The following MYO18B variants were observed in gnomAD, a reference collection of about 807,000 sequenced individuals.
MYO18B encodes myosin XVIIIB, also known as unconventional myosin-XVIIIb.
In MYO18B, 204 loss-of-function variants were observed where a neutral mutation model predicts 273.0. That is an observed-to-expected ratio of 0.75 (90% CI 0.67 to 0.84). The LOEUF (loss-of-function observed/expected upper bound fraction) is 0.84. MYO18B is among the 40% of genes least tolerant of loss of function. MYO18B has a pLI of 0.00. For missense variants in MYO18B, 3,212 were observed against 3,287.6 expected (o/e 0.98, Z 0.56); for synonymous variants, 1,330 against 1,305.7 (o/e 1.02, Z -0.40).
chr22:25,878,181 A>T (rs1450953555), intron 25 of MYO18B, 133 bp downstream of exon 25: 2 of 671,734 alleles, frequency 3.0e-6, no homozygotes, highest in Admixed American at 6.4e-5. Context: ...CCTGTGAGGC[A>T]CATGCTGTTA....
chr22:25,830,891 G>A (rs946998032), intron 15 of MYO18B, among the ~76,000 whole-genome samples: 6 of 152,160 alleles, frequency 3.9e-5, no homozygotes, highest in South Asian at 4.1e-4. Flanking sequence ...CAAAGGGGCC[G>A]TTTTGAACAT....
Position 25,786,979 on chromosome 22 carries a change from C to T in MYO18B, c.2376+1488C>T, listed in dbSNP as rs1192063618. Among the ~76,000 whole-genome samples the T allele has an allele frequency of 5.3e-5, 8 of 152,086 alleles. 1 individual carries two copies. The East Asian group carries it at 1.3e-3, about 26-fold the overall frequency. Reference sequence around the variant, plus strand: ...CTGTAATCCCAGCACTTTGGGAGGCCGAGGTGGGCAGATCACCTGAGGTGA... The same window carrying T: ...CTGTAATCCCAGCACTTTGGGAGGCTGAGGTGGGCAGATCACCTGAGGTGA... On this transcript the variant is annotated intron_variant, in intron 11 of 43. Transcript: ENST00000335473.
chr22:26,043,848 A>G, the MYO18B span, among the ~76,000 whole-genome samples: 2 of 151,784 alleles, frequency 1.3e-5, no homozygotes, highest in Non-Finnish European at 2.9e-5. Context: ...GGGTCTTACT[A>G]TGTTGCTCAG....
At chr22:25,856,139 T>G (rs1276021401) in intron 21 of MYO18B, among the ~76,000 whole-genome samples, 1 of 152,214 alleles carries the variant, frequency 6.6e-6, no homozygotes, top group African/African-American at 2.4e-5. Flanking sequence ...AGCTGTACCA[T>G]TTTGCATTTC....
rs77644145 is a variant in MYO18B at position 25,828,726 on chromosome 22, C to G, written c.2787-50C>G. The G allele has an allele frequency of 8.9e-4, 1,396 of 1,561,156 alleles. 21 individuals carry two copies. The African/African-American group carries it at 0.016, about 18-fold the overall frequency. ...TGCTGGAGGCTTGGATCAGTGTGCTCCTAGATTCCATGCCATCTCAGACAT... is the reference window on the plus strand; with the variant it reads ...TGCTGGAGGCTTGGATCAGTGTGCTGCTAGATTCCATGCCATCTCAGACAT... On this transcript the variant is annotated intron_variant, in intron 14 of 43. Coordinates refer to ENST00000335473, the MANE Select transcript of MYO18B (RefSeq NM_032608.7).
chr22:25,895,034 A>G lies in MYO18B; in HGVS notation c.4544-122A>G, dbSNP rs2091763148. On this transcript the variant is annotated intron_variant, in intron 27 of 43. Coordinates refer to ENST00000335473, the MANE Select transcript of MYO18B (RefSeq NM_032608.7). Reference sequence around the variant, plus strand: ...TTTCTTGGTCCAAGGTTGAGGCTCAAGGGCTCTGTGAATATTGTGAAATTG... The same window carrying G: ...TTTCTTGGTCCAAGGTTGAGGCTCAGGGGCTCTGTGAATATTGTGAAATTG... 1.6e-5 allele frequency: 19 copies of G among 1,208,016 alleles called. No homozygotes were observed. The East Asian group carries it at 4.4e-4, about 28-fold the overall frequency. 74.8% of individuals were successfully genotyped at this position (1,208,016 alleles called of 1,614,324 possible).
chr22:25,781,013 TG>T (rs777019355), intron 9 of MYO18B, among the ~76,000 whole-genome samples: 5 of 152,208 alleles, frequency 3.3e-5, no homozygotes, highest in Non-Finnish European at 7.3e-5. Context: ...AACATGGAGC[TG>T]GTATAATATC....
chr22:26,014,167 C>T (rs1260955948), intron 42 of MYO18B, among the ~76,000 whole-genome samples: 2 of 152,052 alleles, frequency 1.3e-5, no homozygotes, highest in African/African-American at 4.8e-5. Context: ...TGAATTGATA[C>T]TTATTTGTGA....
rs151090831 is a variant in MYO18B at position 25,952,194 on chromosome 22, C to T, written c.5833-92C>T. ...GTAGAGAAGGAGGTGGTGTGAATAG[C>T]TCCTCCCACCCTCCCAGGCTGGGTC... On this transcript the variant is annotated intron_variant, in intron 37 of 43. Coordinates refer to ENST00000335473, the MANE Select transcript of MYO18B (RefSeq NM_032608.7). The T allele has an allele frequency of 1.8e-3, 2,604 of 1,431,070 alleles. 4 individuals carry two copies. The highest frequency in any genetic ancestry group is 2.2e-3 in the Non-Finnish European group (2,264 of 1,049,462). The allele number at this position is 1,431,070 out of a possible 1,614,324, so 88.6% of individuals were successfully genotyped here.
chr22:25,917,803 C>A (rs1370086889), intron 33 of MYO18B, among the ~76,000 whole-genome samples: 1 of 151,968 alleles, frequency 6.6e-6, no homozygotes, highest in Non-Finnish European at 1.5e-5. Context: ...CTCTTTTGAC[C>A]TATTGATTCA....
intron 39 of MYO18B, among the ~76,000 whole-genome samples, chr22:25,958,643 T>C (rs1301411930): frequency 6.6e-6 from 1 of 152,152 alleles, no homozygotes; most frequent in African/African-American, 2.4e-5. Flanking sequence ...CCTTGCTGTG[T>C]AGAAGTTACA....
chr22:25,956,051 G>A (rs987171613), intron 39 of MYO18B, among the ~76,000 whole-genome samples: 3 of 152,156 alleles, frequency 2.0e-5, no homozygotes, highest in African/African-American at 7.2e-5. Context: ...TGGGGAAACT[G>A]ACACGTGGAG....
intron 39 of MYO18B, among the ~76,000 whole-genome samples, chr22:25,957,650 A>G (rs1273459765): frequency 6.6e-6 from 1 of 152,196 alleles, no homozygotes; most frequent in South Asian, 2.1e-4. Context: ...AGGTGTGAAC[A>G]GGGCTACACT....
At chr22:25,852,365 A>T (rs996600850) in intron 21 of MYO18B, among the ~76,000 whole-genome samples, 1 of 151,456 alleles carries the variant, frequency 6.6e-6, no homozygotes, top group East Asian at 2.0e-4. Flanking sequence ...TCTGGCTTAC[A>T]GCAAGAGCTC....
the MYO18B span, among the ~76,000 whole-genome samples, chr22:26,041,301 G>A: frequency 2.1e-5 from 3 of 142,096 alleles, no homozygotes. Context: ...GGTCACTAGA[G>A]CCTAGGAATT....
chr22:25,872,710 C>T (rs998271756), intron 22 of MYO18B, among the ~76,000 whole-genome samples: 19 of 151,926 alleles, frequency 1.3e-4, no homozygotes, highest in African/African-American at 4.6e-4. Flanking sequence ...ATGTGAGAAT[C>T]ATCGTAACTA....
intron 39 of MYO18B, among the ~76,000 whole-genome samples, chr22:25,961,007 A>T (rs1274114829): frequency 6.6e-6 from 1 of 152,126 alleles, no homozygotes; most frequent in African/African-American, 2.4e-5. Context: ...AGAGAGAGAA[A>T]GAAAGAAAGA....
intron 39 of MYO18B, among the ~76,000 whole-genome samples, chr22:25,966,508 G>A (rs369064727): frequency 3.9e-5 from 6 of 152,192 alleles, no homozygotes; most frequent in African/African-American, 1.4e-4. Context: ...CATGAGCCGG[G>A]TGTAAATAAC....
chr22:25,808,097 C>T (rs1018915774), intron 12 of MYO18B, among the ~76,000 whole-genome samples: 1 of 152,056 alleles, frequency 6.6e-6, no homozygotes. Flanking sequence ...ACCAGTGCCC[C>T]CGACCATTCT....
Sources: gnomAD v4.1 joint callset for allele counts (sites outside exome capture counted in the v4.1 genomes callset) on GRCh38, gnomAD v4.1.1 for gene constraint, MANE v1.5 for transcripts, NCBI Gene and HGNC (gene_info 2026-07-23, HGNC 2026-07-21) for gene names.